CNTN5: variants seen among roughly 807,000 people sequenced by gnomAD.
CNTN5 encodes the protein contactin 5.
In CNTN5, 77 loss-of-function variants were observed where a neutral mutation model predicts 129.1. That is an observed-to-expected ratio of 0.60 (90% CI 0.50 to 0.72). The LOEUF is 0.72. Among genes scored for constraint, CNTN5 ranks in the 30% least tolerant of loss-of-function variants. CNTN5 has a pLI of 0.00. For missense variants in CNTN5, 1,478 were observed against 1,328.8 expected (o/e 1.11, Z -1.75); for synonymous variants, 509 against 465.6 (o/e 1.09, Z -1.20).
At chr11:99,757,898 C>T (rs763133367) in intron 3 of CNTN5, among the ~76,000 whole-genome samples, 26 of 151,800 alleles carry the variant, frequency 1.7e-4, no homozygotes, top group African/African-American at 6.0e-4. Context: ...AAGTATCTGC[C>T]GCACAGAAGG....
chr11:99,207,270 C>A (rs944784678), intron 1 of CNTN5, among the ~76,000 whole-genome samples: 5 of 152,076 alleles, frequency 3.3e-5, no homozygotes, highest in Non-Finnish European at 7.4e-5. Context: ...GTACCACATA[C>A]AATAATTATA....
intron 2 of CNTN5, among the ~76,000 whole-genome samples, chr11:99,515,216 T>A (rs775899075): frequency 3.3e-5 from 5 of 152,092 alleles, no homozygotes; most frequent in African/African-American, 4.8e-5. Flanking sequence ...AGATTAACAC[T>A]GCTGAATGTG....
chr11:99,622,795 T>C (rs1255996114), intron 3 of CNTN5, among the ~76,000 whole-genome samples: 2 of 151,790 alleles, frequency 1.3e-5, no homozygotes, highest in Non-Finnish European at 2.9e-5. Flanking sequence ...GTTAATTGAT[T>C]TTTCCCCATG....
At chr11:99,432,297 A>G (rs987807583) in intron 2 of CNTN5, among the ~76,000 whole-genome samples, 26 of 152,140 alleles carry the variant, frequency 1.7e-4, no homozygotes, top group African/African-American at 6.3e-4. Flanking sequence ...GACAATTAAG[A>G]GATATAAATT....
chr11:99,216,989 C>G (rs1311270485), intron 1 of CNTN5, among the ~76,000 whole-genome samples: 1 of 152,116 alleles, frequency 6.6e-6, no homozygotes, highest in Non-Finnish European at 1.5e-5. Flanking sequence ...TCGAGACCAT[C>G]CTGACCAACA....
chr11:99,845,287 A>C (rs772272182), intron 6 of CNTN5, 25 bp downstream of exon 6: 1 of 1,466,254 alleles, frequency 6.8e-7, no homozygotes. Context: ...TGATTTTTCT[A>C]TATATATGTA....
chr11:99,950,298 G>A (rs1399744473), intron 7 of CNTN5, among the ~76,000 whole-genome samples: 1 of 152,056 alleles, frequency 6.6e-6, no homozygotes, highest in Non-Finnish European at 1.5e-5. Context: ...CTAACACAGT[G>A]AAACCCCATC....
At chr11:99,358,336 C>T (rs1019910273) in intron 2 of CNTN5, among the ~76,000 whole-genome samples, 2 of 144,238 alleles carry the variant, frequency 1.4e-5, no homozygotes, top group Non-Finnish European at 3.0e-5. Flanking sequence ...CCTCGTGATC[C>T]GCCAGCCTCG....
intron 1 of CNTN5, among the ~76,000 whole-genome samples, chr11:99,131,355 C>T (rs147632973): frequency 6.7e-6 from 1 of 150,250 alleles, no homozygotes; most frequent in African/African-American, 2.5e-5. Flanking sequence ...AACTAGAGAA[C>T]CAAGAGCAAA....
At chr11:99,952,585 G>A (rs183324457) in intron 7 of CNTN5, among the ~76,000 whole-genome samples, 227 of 152,004 alleles carry the variant, frequency 1.5e-3, no homozygotes, top group Non-Finnish European at 2.8e-3. Context: ...AGGCTGGAGC[G>A]CAGTGGCACA....
intron 2 of CNTN5, among the ~76,000 whole-genome samples, chr11:99,554,348 C>T (rs1315261894): frequency 6.6e-6 from 1 of 152,022 alleles, no homozygotes; most frequent in African/African-American, 2.4e-5. Context: ...ACCAATAACT[C>T]CTTGAAATTT....
intron 2 of CNTN5, among the ~76,000 whole-genome samples, chr11:99,436,850 G>A (rs960285381): frequency 6.6e-6 from 1 of 151,778 alleles, no homozygotes; most frequent in Admixed American, 6.6e-5. Flanking sequence ...ACTCAACATC[G>A]AGATATTTGA....
At chr11:99,930,928 G>C (rs1027617960) in intron 7 of CNTN5, among the ~76,000 whole-genome samples, 3 of 152,046 alleles carry the variant, frequency 2.0e-5, no homozygotes, top group Non-Finnish European at 4.4e-5. Flanking sequence ...GGAAATGCTT[G>C]AGAAATAAAG....
At chr11:99,642,724 A>G (rs572154693) in intron 3 of CNTN5, among the ~76,000 whole-genome samples, 1 of 152,286 alleles carries the variant, frequency 6.6e-6, no homozygotes, top group South Asian at 2.1e-4. Flanking sequence ...AACTTTGTAC[A>G]CATTGACCAA....
intron 1 of CNTN5, among the ~76,000 whole-genome samples, chr11:99,246,519 A>G (rs926704549): frequency 6.6e-6 from 1 of 152,182 alleles, no homozygotes; most frequent in Non-Finnish European, 1.5e-5. Context: ...ACAAGTTCCT[A>G]GGTTGCAGCT....
chr11:99,595,477 A>G (rs1274749100), intron 3 of CNTN5, among the ~76,000 whole-genome samples: 1 of 152,152 alleles, frequency 6.6e-6, no homozygotes, highest in Non-Finnish European at 1.5e-5. Flanking sequence ...TAAACCTCTC[A>G]AACATGTCTC....
chr11:99,764,344 A>G (rs1245210853), intron 3 of CNTN5, among the ~76,000 whole-genome samples: 2 of 149,992 alleles, frequency 1.3e-5, no homozygotes, highest in Non-Finnish European at 3.0e-5. Flanking sequence ...GGAATTTCAC[A>G]TTTTCTCCTA....
intron 2 of CNTN5, among the ~76,000 whole-genome samples, chr11:99,426,196 A>G (rs1286758425): frequency 6.6e-6 from 1 of 152,206 alleles, no homozygotes; most frequent in East Asian, 1.9e-4. Context: ...CCTCATATCA[A>G]AAAAATTGAT....
At chr11:99,240,105 T>C (rs1205560398) in intron 1 of CNTN5, among the ~76,000 whole-genome samples, 1 of 152,160 alleles carries the variant, frequency 6.6e-6, no homozygotes, top group Non-Finnish European at 1.5e-5. Context: ...TTAATGTAAT[T>C]GTCTTTATCA....
Sources: gnomAD v4.1 joint callset for allele counts (sites outside exome capture counted in the v4.1 genomes callset) on GRCh38, gnomAD v4.1.1 for gene constraint, MANE v1.5 for transcripts, NCBI Gene and HGNC (gene_info 2026-07-23, HGNC 2026-07-21) for gene names.